The following ATL1 variants were observed in gnomAD, a reference collection of about 807,000 sequenced individuals.
ATL1 encodes atlastin-1.
In ATL1, 31 loss-of-function variants were observed where a neutral mutation model predicts 75.5. The ratio of observed to expected loss-of-function variants is 0.41; its 90% CI spans 0.31 to 0.55. ATL1 has a LOEUF of 0.55. ATL1 is among the 20% of genes least tolerant of loss of function. The probability of loss-of-function intolerance (pLI) is 0.27; values close to 1 mark genes in which losing one functional copy is unlikely to be tolerated. For missense variants in ATL1, 405 were observed against 662.6 expected, an observed-to-expected ratio of 0.61 and a Z score of 4.27; for synonymous variants, 226 against 233.3, an observed-to-expected ratio of 0.97 and a Z score of 0.28.
intron 6 of ATL1, among the ~76,000 whole-genome samples, chr14:50,612,957 T>C (rs1381380926): frequency 6.6e-6 from 1 of 152,150 alleles, no homozygotes; most frequent in East Asian, 1.9e-4. Context: ...ACACAAAATC[T>C]GATTATAGTG....
At chr14:50,618,495 A>G (rs1464704001) in intron 8 of ATL1, among the ~76,000 whole-genome samples, 1 of 152,230 alleles carries the variant, frequency 6.6e-6, no homozygotes, top group Non-Finnish European at 1.5e-5. Flanking sequence ...AATCACGGTC[A>G]CTAGAATTTC....
Position 50,629,182 on chromosome 14 carries a change from T to A in ATL1, c.1551+720T>A, listed in dbSNP as rs558415560. Among the ~76,000 whole-genome samples, 29 of 152,342 alleles carry A rather than the reference T, an allele frequency of 1.9e-4. 1 individual carries two copies. The highest frequency in any genetic ancestry group is 6.5e-4 in the African/African-American group (27 of 41,576). On this transcript the variant is annotated intron_variant, in intron 12 of 13. Transcript: ENST00000358385. Reference sequence around the variant, plus strand: ...TGAACCACTATCATAAGTTGTCATATCATTCTCTTTTTTAGTTAAAAACTT... The same window carrying A: ...TGAACCACTATCATAAGTTGTCATAACATTCTCTTTTTTAGTTAAAAACTT...
intron 1 of ATL1, among the ~76,000 whole-genome samples, chr14:50,548,417 T>C (rs1467447065): frequency 6.6e-6 from 1 of 152,198 alleles, no homozygotes; most frequent in African/African-American, 2.4e-5. Context: ...AGGATCCTTT[T>C]GTATTAGAAG....
chr14:50,559,686 A>G (rs1254524726), upstream of ATL1: 1 of 153,694 alleles, frequency 6.5e-6, no homozygotes, highest in Non-Finnish European at 1.4e-5. Context: ...ACTACTCAGT[A>G]TACATATACA....
At chr14:50,544,611 T>C (rs2038604716) in intron 1 of ATL1, among the ~76,000 whole-genome samples, 1 of 152,112 alleles carries the variant, frequency 6.6e-6, no homozygotes, top group African/African-American at 2.4e-5. Flanking sequence ...GCAACTGCCA[T>C]TTTGAAAACA....
chr14:50,538,515 T>G (rs1202412780), intron 1 of ATL1, among the ~76,000 whole-genome samples: 1 of 152,242 alleles, frequency 6.6e-6, no homozygotes, highest in Non-Finnish European at 1.5e-5. Flanking sequence ...TAAGAAAAGA[T>G]AGCAGATTAC....
chr14:50,625,575 T>G (rs569266700), intron 11 of ATL1, among the ~76,000 whole-genome samples: 2 of 152,278 alleles, frequency 1.3e-5, no homozygotes, highest in East Asian at 3.9e-4. Context: ...CTGGTGACTT[T>G]AAGTCGAACC....
chr14:50,560,497 C>T lies in ATL1; in HGVS notation c.34+198C>T, dbSNP rs1475448954. 3 of 686,582 alleles carry T rather than the reference C, an allele frequency of 4.4e-6. No individual in the cohort carries two copies. In the Admixed American group the frequency reaches 7.4e-5, roughly 17 times the overall value. 42.5% of individuals were successfully genotyped at this position (686,582 alleles called of 1,614,324 possible). ...TACCCGCGTCACCGAATCGCGCTGTCGGGGTGAGGGCTGCAGCTTCGCGCA... is the reference window on the plus strand; with the variant it reads ...TACCCGCGTCACCGAATCGCGCTGTTGGGGTGAGGGCTGCAGCTTCGCGCA... On this transcript the variant is annotated intron_variant, in intron 1 of 13. Transcript: ENST00000358385.
intron 6 of ATL1, among the ~76,000 whole-genome samples, chr14:50,597,820 G>A (rs1005138911): frequency 6.6e-6 from 1 of 151,984 alleles, no homozygotes; most frequent in East Asian, 1.9e-4. Flanking sequence ...TCAGCCTCCC[G>A]AGTAGCTGAG....
At chr14:50,627,450 C>T (rs747511620) in intron 11 of ATL1, among the ~76,000 whole-genome samples, 5 of 152,080 alleles carry the variant, frequency 3.3e-5, no homozygotes, top group Non-Finnish European at 7.4e-5. Flanking sequence ...CTGAGATTAC[C>T]CTTGTAACTT....
At chr14:50,585,704 G>A (rs2039095110) in intron 1 of ATL1, among the ~76,000 whole-genome samples, 1 of 152,162 alleles carries the variant, frequency 6.6e-6, no homozygotes, top group Non-Finnish European at 1.5e-5. Context: ...TTAAAATGGA[G>A]CATAGTGAGC....
intron 1 of ATL1, among the ~76,000 whole-genome samples, chr14:50,548,654 C>A (rs945436759): frequency 6.6e-6 from 1 of 152,096 alleles, no homozygotes; most frequent in Non-Finnish European, 1.5e-5. Flanking sequence ...GGACTACAGG[C>A]ACACACCGCC....
upstream of ATL1, among the ~76,000 whole-genome samples, chr14:50,558,272 T>C (rs906513082): frequency 6.6e-6 from 1 of 152,154 alleles, no homozygotes; most frequent in East Asian, 1.9e-4. Flanking sequence ...GGCATGAGAA[T>C]CGCTTGAACC....
At chr14:50,544,076 A>G (rs1173958482) in intron 1 of ATL1, among the ~76,000 whole-genome samples, 2 of 152,232 alleles carry the variant, frequency 1.3e-5, no homozygotes, top group Non-Finnish European at 2.9e-5. Context: ...AAGGAAGACT[A>G]TGTCTGGAAT....
At chr14:50,611,971 G>A (rs1338784481) in intron 6 of ATL1, among the ~76,000 whole-genome samples, 1 of 152,148 alleles carries the variant, frequency 6.6e-6, no homozygotes, top group African/African-American at 2.4e-5. Context: ...AATGTTCATA[G>A]CAGCACTATT....
intron 1 of ATL1, among the ~76,000 whole-genome samples, chr14:50,584,217 A>G (rs1415127403): frequency 6.6e-6 from 1 of 152,184 alleles, no homozygotes; most frequent in East Asian, 1.9e-4. Context: ...TCTACAAAAA[A>G]TACAGAAATT....
rs367898123 is a variant in ATL1, at chr14:50,628,339, A to G, written c.1428A>G (p.Leu476=). 100 of 1,614,058 alleles carry G rather than the reference A, an allele frequency of 6.2e-5. No individual in the cohort carries two copies. Among genetic ancestry groups the G allele is most frequent in the Non-Finnish European group, 4.7e-5 (55 of 1,180,046 alleles). Residue 476 remains leucine, a synonymous_variant, in exon 12 of 14, where the codon CTA becomes CTG. Transcript: ENST00000358385. The part of the protein sequence containing the change: ...GFIGLDIIAS[L]CNMIMGLTLI... ...TTGGTTTGGACATCATAGCTAGCCTATGCAATATGATAATGGGACTGACCC... is the reference window on the plus strand; with the variant it reads ...TTGGTTTGGACATCATAGCTAGCCTGTGCAATATGATAATGGGACTGACCC...
intron 1 of ATL1, chr14:50,572,014 CT>C: frequency 1.9e-6 from 1 of 520,976 alleles, no homozygotes; most frequent in Non-Finnish European, 3.7e-6. Flanking sequence ...ACACATTTAT[CT>C]ATCACAAGAT....
At chr14:50,584,569 C>G (rs937052349) in intron 1 of ATL1, among the ~76,000 whole-genome samples, 2 of 151,728 alleles carry the variant, frequency 1.3e-5, no homozygotes, top group African/African-American at 4.8e-5. Flanking sequence ...ATAAAAAATG[C>G]GAGGTGGCGG....
Sources: gnomAD v4.1 joint callset for allele counts (sites outside exome capture counted in the v4.1 genomes callset) on GRCh38, gnomAD v4.1.1 for gene constraint, MANE v1.5 for transcripts, NCBI Gene and HGNC (gene_info 2026-07-23, HGNC 2026-07-21) for gene names.